The following BAAT variants were observed in gnomAD, a reference collection of about 807,000 sequenced individuals.
The protein encoded by BAAT is bile acid-CoA:amino acid N-acyltransferase, also known as bile acid CoA: amino acid N-acyltransferase (glycine N-choloyltransferase).
In BAAT, 13 loss-of-function variants were observed where a neutral mutation model predicts 18.9. That is an observed-to-expected ratio of 0.69 (90% CI 0.45 to 1.10). BAAT has a LOEUF of 1.10. Ranked by LOEUF, BAAT falls within the 50% of genes least tolerant of loss-of-function variation. The pLI, the probability that BAAT is intolerant of heterozygous loss-of-function variation, is 0.00. For synonymous variants in BAAT, 170 were observed against 190.7 expected, an observed-to-expected ratio of 0.89 and a Z score of 0.89; for missense variants, 489 against 504.0, an observed-to-expected ratio of 0.97 and a Z score of 0.28.
chr9:101,368,395 G>T, intron 2 of BAAT, 73 bp from the exon 3 acceptor site: 1 of 1,315,416 alleles, frequency 7.6e-7, no homozygotes, highest in Non-Finnish European at 1.1e-6. Flanking sequence ...AAAATACAAA[G>T]CAGAAATACA....
At chr9:101,381,835 C>T (rs1830138172) in intron 1 of BAAT, among the ~76,000 whole-genome samples, 1 of 152,092 alleles carries the variant, frequency 6.6e-6, no homozygotes. Context: ...ATAAGTGATA[C>T]TATAGCTTCC....
At chr9:101,379,462 A>G (rs1340897859) in intron 1 of BAAT, among the ~76,000 whole-genome samples, 1 of 152,246 alleles carries the variant, frequency 6.6e-6, no homozygotes, top group Non-Finnish European at 1.5e-5. Flanking sequence ...AGTTCCAAAA[A>G]AGCCAATTTT....
chr9:101,376,341 C>T, intron 1 of BAAT: 1 of 207,628 alleles, frequency 4.8e-6, no homozygotes, highest in Non-Finnish European at 1.1e-5. Flanking sequence ...CTCCATAAAG[C>T]TGTCTCTTTC....
chr9:101,374,814 G>A (rs1288392342), intron 1 of BAAT, among the ~76,000 whole-genome samples: 1 of 151,856 alleles, frequency 6.6e-6, no homozygotes, highest in Non-Finnish European at 1.5e-5. Context: ...TATTGTCTCA[G>A]GGCATTATAT....
chr9:101,372,055 CAG>C (rs1040224735), intron 1 of BAAT, among the ~76,000 whole-genome samples: 5 of 152,018 alleles, frequency 3.3e-5, no homozygotes, highest in African/African-American at 1.2e-4. Flanking sequence ...AATGAAGAAA[CAG>C]ATAACCAAAT....
In BAAT at chr9:101,361,821, CTTAGT is replaced by C. The variant is rs1829729274; in HGVS notation, c.*602_*606del. Reference sequence around the variant, plus strand: ...TAACTTAAACCAAGGCTCTTCCAGTCTTAGTTATTATGTCTCAGTTATGTGCCAAT... The same window carrying C: ...TAACTTAAACCAAGGCTCTTCCAGTCTATTATGTCTCAGTTATGTGCCAAT... On this transcript the variant is annotated 3_prime_UTR_variant, in exon 4 of 4. Coordinates refer to ENST00000259407, the MANE Select transcript of BAAT (RefSeq NM_001701.4). 1 of 152,908 alleles carries C rather than the reference CTTAGT, an allele frequency of 6.5e-6. No individual in the cohort carries two copies. Among genetic ancestry groups the C allele is most frequent in the Non-Finnish European group, 1.5e-5 (1 of 68,330 alleles). The allele number at this position is 152,908 out of a possible 1,614,324, so 9.5% of individuals were successfully genotyped here. A position where few individuals can be genotyped will look rare whatever the true frequency, so the allele number is the denominator to read the frequency against.
intron 1 of BAAT, among the ~76,000 whole-genome samples, chr9:101,371,926 A>G (rs189376486): frequency 2.0e-5 from 3 of 152,306 alleles, no homozygotes; most frequent in Admixed American, 6.5e-5. Flanking sequence ...TTTACCTGCA[A>G]CAGAACATAA....
intron 1 of BAAT, among the ~76,000 whole-genome samples, chr9:101,380,118 G>A (rs1830108878): frequency 6.6e-6 from 1 of 151,592 alleles, no homozygotes; most frequent in Non-Finnish European, 1.5e-5. Flanking sequence ...TAGAAAGCTG[G>A]AGTGTGGAGG....
At chr9:101,381,385 G>A (rs1394970032) in intron 1 of BAAT, among the ~76,000 whole-genome samples, 1 of 151,970 alleles carries the variant, frequency 6.6e-6, no homozygotes, top group Non-Finnish European at 1.5e-5. Context: ...TTAGCTGGGT[G>A]TGGTGGGGCA....
chr9:101,383,664 T>A (rs1034631314), intron 1 of BAAT: 1 of 152,224 alleles, frequency 6.6e-6, no homozygotes, highest in Non-Finnish European at 1.5e-5. Context: ...ACCCAATAAA[T>A]GTATCACTAT....
rs11420217 is a variant in BAAT, at chr9:101,376,125, G to GTT, written c.-59-4664_-59-4663dup. On this transcript the variant is annotated intron_variant, in intron 1 of 3. Coordinates refer to ENST00000259407, the MANE Select transcript of BAAT (RefSeq NM_001701.4). ...CATTCTTGGTAAAATTGGCTGGAATGTTTTTTTTTTCTGTTTAGCTGGTTA... is the reference window on the plus strand; with the variant it reads ...CATTCTTGGTAAAATTGGCTGGAATGTTTTTTTTTTTTCTGTTTAGCTGGTTA... 2.9e-3 allele frequency: 451 copies of GTT among 155,576 alleles called. 3 individuals are homozygous for GTT. Among genetic ancestry groups the GTT allele is most frequent in the South Asian group, 8.6e-3 (46 of 5,324 alleles). 9.6% of individuals were successfully genotyped at this position (155,576 alleles called of 1,614,324 possible).
At chr9:101,373,290 A>G (rs1257445647) in intron 1 of BAAT, among the ~76,000 whole-genome samples, 3 of 152,216 alleles carry the variant, frequency 2.0e-5, no homozygotes, top group Non-Finnish European at 4.4e-5. Flanking sequence ...GCCATAAAAA[A>G]TAATGTGATC....
chr9:101,377,403 C>G (rs1230960149), intron 1 of BAAT, among the ~76,000 whole-genome samples: 1 of 152,084 alleles, frequency 6.6e-6, no homozygotes, highest in Non-Finnish European at 1.5e-5. Context: ...ACAAAAAGGC[C>G]CACATCCCTT....
Position 101,371,245 on chromosome 9 carries a change from C to T in BAAT, c.160G>A (p.Glu54Lys), listed in dbSNP as rs755410933. 4.6e-5 allele frequency: 74 copies of T among 1,613,098 alleles called. No homozygotes were observed. In the Middle Eastern group the frequency reaches 1.2e-3, roughly 25 times the overall value. ...FYSQAHYRAN[E>K]FGEVDLNHAS... ...TGATTCAGGTCCACCTCACCGAATT[C>T]ATTGGCCCTATAGTGGGCTTGAGAA... The change falls in exon 2 of 4, where the codon GAA becomes AAA. Residue 54 changes from glutamate (E) to lysine (K), a missense_variant. Transcript: ENST00000259407.
At chr9:101,378,081 C>T (rs1430664945) in intron 1 of BAAT, among the ~76,000 whole-genome samples, 2 of 152,138 alleles carry the variant, frequency 1.3e-5, no homozygotes, top group African/African-American at 4.8e-5. Flanking sequence ...GAACTACAAA[C>T]CACTGCTCAA....
chr9:101,371,047 T>C lies in BAAT; in HGVS notation c.358A>G (p.Ser120Gly). The C allele has an allele frequency of 6.2e-7, 1 of 1,614,140 alleles. No individual in the cohort carries two copies. The highest frequency in any genetic ancestry group is 8.5e-7 in the Non-Finnish European group (1 of 1,180,022). Residue 120 changes from serine (S) to glycine (G), a missense_variant, in exon 2 of 4, where the codon AGT becomes GGT. Transcript: ENST00000259407. ...AAAGTCAGGCTGGCCTTTGGAGCAC[T>C]GGCAACTTTATTGTTCACTATTAAC... ...LELIVNNKVA[S>G]APKASLTLER...
At chr9:101,370,887 G>A in intron 2 of BAAT, 52 bp downstream of exon 2, 1 of 1,562,850 alleles carries the variant, frequency 6.4e-7, no homozygotes, top group East Asian at 2.2e-5. Flanking sequence ...GACGGATAAT[G>A]TATTTAAAGT....
rs1829699286 is a variant in BAAT, at chr9:101,360,477, A to G, written c.*1951T>C. On this transcript the variant is annotated 3_prime_UTR_variant, in exon 4 of 4. Transcript: ENST00000259407. ...GTCCTGCAGGCTTTACAGAAGCATAATGCTTGCATCTACTTGGCTTCTGGG... is the reference window on the plus strand; with the variant it reads ...GTCCTGCAGGCTTTACAGAAGCATAGTGCTTGCATCTACTTGGCTTCTGGG... 1 of 152,388 alleles carries G rather than the reference A, an allele frequency of 6.6e-6. No homozygotes were observed. The highest frequency in any genetic ancestry group is 2.4e-5 in the African/African-American group (1 of 41,458). 9.4% of individuals were successfully genotyped at this position (152,388 alleles called of 1,614,324 possible). A position where few individuals can be genotyped will look rare whatever the true frequency, so the allele number is the denominator to read the frequency against.
In BAAT at chr9:101,371,419, A is replaced by C; in HGVS notation, c.-15T>G. On this transcript the variant is annotated 5_prime_UTR_variant, in exon 2 of 4. Transcript: ENST00000259407. ...AACTGGATCATTTTTTTAGTGTGGC[A>C]CCTGGGATGATTCTTCAGGAATATC... 6.3e-7 allele frequency: 1 copy of C among 1,599,748 alleles called. No individual in the cohort carries two copies. The highest frequency in any genetic ancestry group is 8.5e-7 in the Non-Finnish European group (1 of 1,175,730).
Sources: allele counts gnomAD v4.1 joint callset (sites outside exome capture counted in the v4.1 genomes callset), GRCh38; gene constraint gnomAD v4.1.1; transcripts MANE v1.5; gene names NCBI Gene and HGNC (gene_info 2026-07-23, HGNC 2026-07-21).